GFOD1: variants seen among roughly 807,000 people sequenced by gnomAD.
GFOD1 encodes glucose-fructose oxidoreductase domain-containing protein 1.
In GFOD1, 9 loss-of-function variants were observed where a neutral mutation model predicts 25.4. The observed-to-expected ratio is 0.35, with a 90% confidence interval of 0.21 to 0.62. The LOEUF is 0.62. Ranked by LOEUF, GFOD1 falls within the 20% of genes least tolerant of loss-of-function variation. GFOD1 has a pLI of 0.72. For missense variants in GFOD1, 403 were observed against 556.9 expected (o/e 0.72, Z 2.78); for synonymous variants, 253 against 245.6 (o/e 1.03, Z -0.28).
chr6:13,374,264 G>GTTTTTTT (rs113077397), intron 1 of GFOD1, among the ~76,000 whole-genome samples: 1 of 126,160 alleles, frequency 7.9e-6, no homozygotes, highest in African/African-American at 2.8e-5. Context: ...TTAAAAATAT[G>GTTTTTTT]TTTTTTTTTT....
At chr6:13,391,767 T>A (rs1254963710) in intron 1 of GFOD1, among the ~76,000 whole-genome samples, 3 of 152,174 alleles carry the variant, frequency 2.0e-5, no homozygotes, top group Non-Finnish European at 4.4e-5. Flanking sequence ...TCCTCATCTG[T>A]TAAATGGGGA....
At chr6:13,397,692 C>A (rs1191398529) in intron 1 of GFOD1, among the ~76,000 whole-genome samples, 3 of 152,162 alleles carry the variant, frequency 2.0e-5, no homozygotes, top group Non-Finnish European at 2.9e-5. Flanking sequence ...GGCCAAGTAC[C>A]AATTCAGTCT....
intron 1 of GFOD1, among the ~76,000 whole-genome samples, chr6:13,383,551 G>A (rs983000333): frequency 1.3e-5 from 2 of 152,238 alleles, no homozygotes; most frequent in African/African-American, 4.8e-5. Context: ...GGAACTGTGG[G>A]TGGCAGAGTT....
chr6:13,407,928 G>C, intron 1 of GFOD1: 1 of 983,596 alleles, frequency 1.0e-6, no homozygotes, highest in African/African-American at 1.7e-5. Context: ...CTGACTCTCG[G>C]AGATTGCCCA....
chr6:13,365,627 T>G lies in GFOD1; in HGVS notation c.289A>C (p.Thr97Pro). ...GKNVICDRTA[T>P]PLDAFRMTSA... Reference sequence around the variant, plus strand: ...GTCATGCGGAAAGCGTCCAGCGGCGTGGCCGTGCGGTCGCAGATGACGTTC... The same window carrying G: ...GTCATGCGGAAAGCGTCCAGCGGCGGGGCCGTGCGGTCGCAGATGACGTTC... The change falls in exon 2 of 2, where the codon ACG becomes CCG. Residue 97 changes from threonine (T) to proline (P), a missense_variant. Transcript: ENST00000379287. The surrounding 1 kb of genome is among the most constrained non-coding windows in gnomAD (Gnocchi z 9.2). 6.3e-7 allele frequency: 1 copy of G among 1,599,716 alleles called. No individual in the cohort carries two copies. The highest frequency in any genetic ancestry group is 8.5e-7 in the Non-Finnish European group (1 of 1,178,648).
At chr6:13,478,140 G>C (rs1486697501) in intron 1 of GFOD1, among the ~76,000 whole-genome samples, 1 of 151,488 alleles carries the variant, frequency 6.6e-6, no homozygotes, top group Non-Finnish European at 1.5e-5. Flanking sequence ...TTTGTTGTTT[G>C]TTGTTTTTGT....
intron 1 of GFOD1, among the ~76,000 whole-genome samples, chr6:13,484,451 C>A (rs2127580390): frequency 6.6e-6 from 1 of 152,216 alleles, no homozygotes; most frequent in Middle Eastern, 3.4e-3. Flanking sequence ...AAGACGACCA[C>A]CCCACTGTGC....
At chr6:13,476,346 G>A (rs1373705914) in intron 1 of GFOD1, among the ~76,000 whole-genome samples, 1 of 152,180 alleles carries the variant, frequency 6.6e-6, no homozygotes, top group Admixed American at 6.5e-5. Context: ...AAGCACAAAT[G>A]ATTACGTACT....
chr6:13,449,035 C>T (rs1444103152), intron 1 of GFOD1, among the ~76,000 whole-genome samples: 1 of 152,172 alleles, frequency 6.6e-6, no homozygotes, highest in Non-Finnish European at 1.5e-5. Flanking sequence ...GCCTGTAATC[C>T]CAGCACTTTG....
At position 13,430,475 on chromosome 6, in the gene GFOD1, T is replaced by A. The variant is rs1584647171; in HGVS notation, c.253+56163A>T. On this transcript the variant is annotated intron_variant, in intron 1 of 1. Transcript: ENST00000379287. The surrounding 1 kb of genome is among the most constrained non-coding windows in gnomAD (Gnocchi z 4.1). ...AAGTAAATAAATAAAAATTAAAAAA[T>A]AAAATCCAGCCATTGCACTGTGAAG... is the stretch of plus-strand genomic sequence containing the variant. Among the ~76,000 whole-genome samples, 5 of 151,926 alleles carry A rather than the reference T, an allele frequency of 3.3e-5. No individual in the cohort carries two copies. The highest frequency in any genetic ancestry group is 3.3e-4 in the Admixed American group (5 of 15,242).
chr6:13,433,174 C>A (rs1757780070), intron 1 of GFOD1, among the ~76,000 whole-genome samples: 2 of 146,412 alleles, frequency 1.4e-5, no homozygotes, highest in African/African-American at 2.5e-5. Flanking sequence ...GGCTGGAGTG[C>A]AATGGCACAA....
chr6:13,378,468 A>G (rs139966482), intron 1 of GFOD1, among the ~76,000 whole-genome samples: 499 of 152,340 alleles, frequency 3.3e-3, no homozygotes, highest in Middle Eastern at 0.01. Flanking sequence ...GACATGGGAG[A>G]ACACAGTGGC....
intron 1 of GFOD1, among the ~76,000 whole-genome samples, chr6:13,482,473 G>A (rs945611705): frequency 2.6e-5 from 4 of 152,116 alleles, no homozygotes; most frequent in South Asian, 2.1e-4. Flanking sequence ...CAGGCCAGGC[G>A]TAGTGGCTCA....
At chr6:13,475,027 C>T (rs972002527) in intron 1 of GFOD1, among the ~76,000 whole-genome samples, 4 of 152,200 alleles carry the variant, frequency 2.6e-5, no homozygotes, top group Non-Finnish European at 4.4e-5. Flanking sequence ...AAACTCTACG[C>T]CTTCCCCCAA....
At chr6:13,466,445 C>T (rs1345388059) in intron 1 of GFOD1, among the ~76,000 whole-genome samples, 1 of 152,126 alleles carries the variant, frequency 6.6e-6, no homozygotes, top group South Asian at 2.1e-4. Context: ...CATCCTCTAC[C>T]TTTGAAGAAG....
chr6:13,486,533 A>C (rs1758874461), intron 1 of GFOD1, 105 bp downstream of exon 1: 1 of 902,974 alleles, frequency 1.1e-6, no homozygotes, highest in South Asian at 1.6e-5. Flanking sequence ...GCGTAGATGC[A>C]GGGTAAGCTT....
chr6:13,471,536 G>A (rs1758505854), intron 1 of GFOD1, among the ~76,000 whole-genome samples: 3 of 152,118 alleles, frequency 2.0e-5, no homozygotes, highest in Non-Finnish European at 2.9e-5. Context: ...AAAGAATTTA[G>A]GAAACTTCCC....
Position 13,452,581 on chromosome 6 carries a change from T to C in GFOD1, c.253+34057A>G, listed in dbSNP as rs1758118738. Among the ~76,000 whole-genome samples the C allele has an allele frequency of 2.0e-5, 3 of 152,218 alleles. No individual in the cohort carries two copies. In the South Asian group the frequency reaches 6.2e-4, roughly 32 times the overall value. On this transcript the variant is annotated intron_variant, in intron 1 of 1. Coordinates refer to ENST00000379287, the MANE Select transcript of GFOD1 (RefSeq NM_018988.4). ...TTCTCGCTGTGTCCTCACAGCAACA[T>C]ATAAATTTTGCAAGGATACAAACTT...
intron 1 of GFOD1, among the ~76,000 whole-genome samples, chr6:13,389,927 C>T (rs1423584267): frequency 6.6e-6 from 1 of 152,058 alleles, no homozygotes; most frequent in African/African-American, 2.4e-5. Context: ...ACCAAAAGGA[C>T]CCCCTGCATT....
Sources: gnomAD v4.1 joint callset for allele counts (sites outside exome capture counted in the v4.1 genomes callset) on GRCh38, gnomAD v4.1.1 for gene constraint, Gnocchi (gnomAD v3.1) non-coding constraint, MANE v1.5 for transcripts, NCBI Gene and HGNC (gene_info 2026-07-23, HGNC 2026-07-21) for gene names.